Variants in LRRTM4 observed in about 807,000 individuals in gnomAD.
LRRTM4 encodes leucine rich repeat transmembrane neuronal 4.
Under a neutral mutation model 47.6 loss-of-function variants are expected in LRRTM4, and 25 were observed. That is an observed-to-expected ratio of 0.53 (90% CI 0.38 to 0.73). LRRTM4 has a LOEUF of 0.73. LRRTM4 is among the 30% of genes least tolerant of loss of function. LRRTM4 has a pLI of 0.00. For synonymous variants in LRRTM4, 311 were observed against 269.5 expected (o/e 1.15, Z -1.51); for missense variants, 638 against 713.4 (o/e 0.89, Z 1.20).
At chr2:76,854,435 A>G (rs1672088153) in intron 3 of LRRTM4, among the ~76,000 whole-genome samples, 1 of 152,180 alleles carries the variant, frequency 6.6e-6, no homozygotes, top group South Asian at 2.1e-4. Flanking sequence ...AGTAACATGC[A>G]CAATGACCAA....
intron 3 of LRRTM4, among the ~76,000 whole-genome samples, chr2:76,944,492 G>A (rs1280720394): frequency 6.6e-6 from 1 of 152,042 alleles, no homozygotes; most frequent in Non-Finnish European, 1.5e-5. Flanking sequence ...TACCTGATAA[G>A]TATTAGTTAC....
intron 3 of LRRTM4, among the ~76,000 whole-genome samples, chr2:77,482,453 C>CACATACAT (rs139508756): frequency 2.0e-5 from 3 of 151,604 alleles, no homozygotes; most frequent in Non-Finnish European, 4.4e-5. Flanking sequence ...CACACACACA[C>CACATACAT]ACACACAGAG....
intron 3 of LRRTM4, among the ~76,000 whole-genome samples, chr2:77,432,540 T>C (rs1675424377): frequency 6.6e-6 from 1 of 152,240 alleles, no homozygotes; most frequent in Non-Finnish European, 1.5e-5. Context: ...AATGTCTGCA[T>C]TGGCAAAAGC....
In LRRTM4 at chr2:76,873,492, G is replaced by GTA. The variant is rs1411794284; in HGVS notation, c.1552-124578_1552-124577dup. On this transcript the variant is annotated intron_variant, in intron 3 of 3. Coordinates refer to ENST00000409884, the MANE Select transcript of LRRTM4 (RefSeq NM_001134745.3). ...TGTGTGTATATATATATGTGTGTGT[G>GTA]TATATATATGTGTGTATATATATAT... Among the ~76,000 whole-genome samples the GTA allele has an allele frequency of 5.7e-5, 5 of 87,522 alleles. No homozygotes were observed. The South Asian group carries it at 1.4e-3, about 24-fold the overall frequency. 57.4% of individuals were successfully genotyped at this position (87,522 alleles called of 152,430 possible). A position where few individuals can be genotyped will look rare whatever the true frequency, so the allele number is the denominator to read the frequency against.
At chr2:77,107,352 ATACT>A (rs1282512269) in intron 3 of LRRTM4, among the ~76,000 whole-genome samples, 3 of 152,226 alleles carry the variant, frequency 2.0e-5, no homozygotes, top group Non-Finnish European at 4.4e-5. Context: ...TTAAAAATAA[ATACT>A]TAGGAGAACG....
At chr2:77,378,654 A>G (rs1356316489) in intron 3 of LRRTM4, among the ~76,000 whole-genome samples, 1 of 152,106 alleles carries the variant, frequency 6.6e-6, no homozygotes, top group African/African-American at 2.4e-5. Context: ...GATTGAGGTA[A>G]CTTCACCTTA....
chr2:76,782,459 T>C (rs979046642), intron 3 of LRRTM4, among the ~76,000 whole-genome samples: 1 of 152,210 alleles, frequency 6.6e-6, no homozygotes, highest in Non-Finnish European at 1.5e-5. Flanking sequence ...TAAACATGTT[T>C]TAAGCAAATA....
chr2:77,239,057 TAAAG>T (rs769655780), intron 3 of LRRTM4, among the ~76,000 whole-genome samples: 5 of 151,786 alleles, frequency 3.3e-5, no homozygotes, highest in Admixed American at 6.6e-5. Flanking sequence ...AAATCTGAAC[TAAAG>T]AAAGAGATTT....
At chr2:76,762,689 G>A (rs1003962166) in intron 3 of LRRTM4, among the ~76,000 whole-genome samples, 12 of 152,142 alleles carry the variant, frequency 7.9e-5, no homozygotes, top group African/African-American at 2.7e-4. Flanking sequence ...GACAGGTGTG[G>A]TGACTCATGC....
chr2:77,257,460 G>T (rs187454836), intron 3 of LRRTM4, among the ~76,000 whole-genome samples: 2 of 151,976 alleles, frequency 1.3e-5, no homozygotes, highest in South Asian at 2.1e-4. Context: ...ACTCATAAAA[G>T]GGGAAATACA....
At chr2:77,090,207 C>T (rs962856060) in intron 3 of LRRTM4, among the ~76,000 whole-genome samples, 30 of 152,170 alleles carry the variant, frequency 2.0e-4, no homozygotes, top group Non-Finnish European at 4.4e-5. Flanking sequence ...CAGCAATTTA[C>T]TCTTAAAAAG....
At chr2:76,828,780 A>C (rs183943279) in intron 3 of LRRTM4, among the ~76,000 whole-genome samples, 2 of 152,024 alleles carry the variant, frequency 1.3e-5, no homozygotes, top group Admixed American at 6.6e-5. Flanking sequence ...CTTTTCACTC[A>C]GTAGCTGTAC....
intron 3 of LRRTM4, among the ~76,000 whole-genome samples, chr2:76,940,748 G>A (rs753949428): frequency 1.3e-5 from 2 of 152,150 alleles, no homozygotes; most frequent in South Asian, 2.1e-4. Context: ...GAAAGTGAGT[G>A]TGTGGATGAG....
At chr2:77,189,562 G>A (rs1007419750) in intron 3 of LRRTM4, among the ~76,000 whole-genome samples, 2 of 152,174 alleles carry the variant, frequency 1.3e-5, no homozygotes, top group Non-Finnish European at 2.9e-5. Flanking sequence ...CTTTCTGTCA[G>A]ATGAGGATTT....
chr2:77,271,152 C>T (rs1201895788), intron 3 of LRRTM4, among the ~76,000 whole-genome samples: 1 of 152,146 alleles, frequency 6.6e-6, no homozygotes, highest in African/African-American at 2.4e-5. Flanking sequence ...CCTTCACAAC[C>T]CTTCAACTGT....
chr2:76,880,490 A>G (rs1672898882), intron 3 of LRRTM4, among the ~76,000 whole-genome samples: 1 of 152,196 alleles, frequency 6.6e-6, no homozygotes, highest in Admixed American at 6.5e-5. Context: ...AAACTAGAGT[A>G]GAGTTTAACA....
At chr2:76,883,942 C>T (rs1219997923) in intron 3 of LRRTM4, among the ~76,000 whole-genome samples, 2 of 151,896 alleles carry the variant, frequency 1.3e-5, no homozygotes, top group Admixed American at 1.3e-4. Context: ...CCTCAGCCTC[C>T]CTGGAAGCTT....
intron 3 of LRRTM4, among the ~76,000 whole-genome samples, chr2:76,835,606 T>C (rs1355564992): frequency 6.6e-6 from 1 of 152,074 alleles, no homozygotes; most frequent in Non-Finnish European, 1.5e-5. Flanking sequence ...TCTGTCAGAA[T>C]TGGTCTCAAA....
intron 3 of LRRTM4, among the ~76,000 whole-genome samples, chr2:77,188,082 GAC>G (rs1673560871): frequency 2.0e-5 from 3 of 151,944 alleles, no homozygotes; most frequent in African/African-American, 7.3e-5. Context: ...TGAATATATT[GAC>G]TGTTTACTCC....
Sources: allele counts gnomAD v4.1 joint callset (sites outside exome capture counted in the v4.1 genomes callset), GRCh38; gene constraint gnomAD v4.1.1; transcripts MANE v1.5; gene names NCBI Gene and HGNC (gene_info 2026-07-23, HGNC 2026-07-21).